XKR9: variants seen among roughly 807,000 people sequenced by gnomAD.
XKR9 encodes the protein XK related 9, also known as XK-related protein 9.
Under a neutral mutation model 32.0 loss-of-function variants are expected in XKR9, and 32 were observed. The ratio of observed to expected loss-of-function variants is 1.00; its 90% CI spans 0.76 to 1.34. The LOEUF (loss-of-function observed/expected upper bound fraction) is 1.34, where lower values mean the gene tolerates loss of function less well. Ranked by LOEUF, XKR9 falls within the 40% of genes most tolerant of loss-of-function variation. XKR9 has a pLI of 0.00. For missense variants in XKR9, 546 were observed against 429.7 expected, an observed-to-expected ratio of 1.27 and a Z score of -2.39; for synonymous variants, 168 against 143.4, an observed-to-expected ratio of 1.17 and a Z score of -1.22.
intron 4 of XKR9, among the ~76,000 whole-genome samples, chr8:70,716,498 T>C (rs571930066): frequency 1.3e-5 from 2 of 152,094 alleles, no homozygotes; most frequent in Admixed American, 6.5e-5. Flanking sequence ...CTTCACATGG[T>C]GACAGGAAGA....
chr8:70,852,258 G>A, the XKR9 span, among the ~76,000 whole-genome samples: 3 of 152,106 alleles, frequency 2.0e-5, no homozygotes, highest in Admixed American at 6.6e-5. Flanking sequence ...ACTTAGAATA[G>A]CGATTATTAA....
At chr8:70,730,014 T>A (rs941104687) in intron 4 of XKR9, among the ~76,000 whole-genome samples, 1 of 152,156 alleles carries the variant, frequency 6.6e-6, no homozygotes, top group Admixed American at 6.5e-5. Context: ...CAAAATAGGA[T>A]CACAGTTTAT....
rs766128266 is a variant in XKR9, at chr8:70,734,296, G to C, written c.994G>C (p.Gly332Arg). 24 of 1,612,116 alleles carry C rather than the reference G, an allele frequency of 1.5e-5. No individual in the cohort carries two copies. Among genetic ancestry groups the C allele is most frequent in the Non-Finnish European group, 2.0e-5 (24 of 1,179,244 alleles). Residue 332 changes from glycine to arginine, a missense_variant, in exon 5 of 5, where the codon GGA (glycine) becomes CGA (arginine). Gly to Arg is a moderately radical substitution (Grantham distance 125). Transcript: ENST00000408926. Reference protein sequence around the residue: ...SITIVLTLLLGILFLIVYYGS... With the variant: ...SITIVLTLLLRILFLIVYYGS... ...AACTATAGTTCTTACTCTTCTTCTT[G>C]GAATTCTTTTTCTTATTGTTTATTA...
the XKR9 span, among the ~76,000 whole-genome samples, chr8:70,954,899 T>C: frequency 1.3e-5 from 2 of 152,218 alleles, no homozygotes; most frequent in Non-Finnish European, 2.9e-5. Flanking sequence ...CTTTCCCTCC[T>C]GAGATGCATA....
At chr8:70,690,230 TATC>T (rs1819462279) in intron 3 of XKR9, among the ~76,000 whole-genome samples, 1 of 152,140 alleles carries the variant, frequency 6.6e-6, no homozygotes, top group Non-Finnish European at 1.5e-5. Context: ...ACCAAATAGT[TATC>T]TTTTCTGTTC....
chr8:70,836,138 G>A, the XKR9 span, among the ~76,000 whole-genome samples: 2 of 151,884 alleles, frequency 1.3e-5, no homozygotes, highest in African/African-American at 4.8e-5. Context: ...CTGAATTGTA[G>A]ACATTAGTAT....
the XKR9 span, among the ~76,000 whole-genome samples, chr8:71,064,471 A>G: frequency 6.6e-6 from 1 of 152,198 alleles, no homozygotes; most frequent in Non-Finnish European, 1.5e-5. Flanking sequence ...TGCTTTTTAT[A>G]TCTGGTAAAA....
At position 70,735,727 on chromosome 8, in the gene XKR9, T is replaced by C. The variant is rs1806845199; in HGVS notation, c.*1303T>C. ...GAATATGCAGTGTTTGGTTTTTTGTTCTTGCGATAGTTTACTGAGAATGAT... is the reference window on the plus strand; with the variant it reads ...GAATATGCAGTGTTTGGTTTTTTGTCCTTGCGATAGTTTACTGAGAATGAT... On this transcript the variant is annotated 3_prime_UTR_variant, in exon 5 of 5. Transcript: ENST00000408926. 1 of 150,852 alleles carries C rather than the reference T, an allele frequency of 6.6e-6. No homozygotes were observed. The allele number at this position is 150,852 out of a possible 1,614,324, so 9.3% of individuals were successfully genotyped here.
chr8:70,752,431 C>T (rs1165552794), intron 2 of XKR9, among the ~76,000 whole-genome samples: 1 of 152,058 alleles, frequency 6.6e-6, no homozygotes, highest in Non-Finnish European at 1.5e-5. Context: ...CATAACATGG[C>T]AGATAAGTGG....
chr8:70,789,822 A>G (rs1296288244), intron 3 of XKR9, among the ~76,000 whole-genome samples: 1 of 152,070 alleles, frequency 6.6e-6, no homozygotes, highest in African/African-American at 2.4e-5. Flanking sequence ...CTGCATTTTG[A>G]TGAGCACCAA....
intron 2 of XKR9, among the ~76,000 whole-genome samples, chr8:70,761,463 C>T (rs1483097457): frequency 6.6e-6 from 1 of 152,112 alleles, no homozygotes; most frequent in Admixed American, 6.5e-5. Flanking sequence ...TGATCAGTGA[C>T]ACTGAGCTTT....
intron 2 of XKR9, among the ~76,000 whole-genome samples, chr8:70,675,631 G>A (rs776802818): frequency 3.3e-4 from 50 of 152,076 alleles, no homozygotes; most frequent in Non-Finnish European, 5.0e-4. Context: ...CTTCTGCCAG[G>A]TACCCTAAAT....
chr8:70,768,005 T>C (rs942779893), intron 2 of XKR9, among the ~76,000 whole-genome samples: 1 of 152,176 alleles, frequency 6.6e-6, no homozygotes, highest in African/African-American at 2.4e-5. Flanking sequence ...AGTTCTTTAA[T>C]TGAAATGTTA....
the XKR9 span, among the ~76,000 whole-genome samples, chr8:70,885,437 A>G: frequency 1.3e-5 from 2 of 152,178 alleles, no homozygotes; most frequent in African/African-American, 4.8e-5. Context: ...TCTGGGATAC[A>G]TGTGCTGAAA....
chr8:70,842,845 C>T, the XKR9 span, among the ~76,000 whole-genome samples: 1 of 152,178 alleles, frequency 6.6e-6, no homozygotes, highest in African/African-American at 2.4e-5. Context: ...TTTGAGGCTC[C>T]TTTTTCTCTC....
chr8:70,673,757 TCCATGTC>T, intron 1 of XKR9, among the ~76,000 whole-genome samples: 1 of 148,406 alleles, frequency 6.7e-6, no homozygotes. Flanking sequence ...AGAGTGAGAC[TCCATGTC>T]AAAAAAAAAA....
chr8:70,675,331 G>T (rs2132100041), intron 2 of XKR9, among the ~76,000 whole-genome samples: 1 of 152,218 alleles, frequency 6.6e-6, no homozygotes, highest in South Asian at 2.1e-4. Context: ...AGAGGCTGAG[G>T]CAGAAGAATC....
At chr8:70,856,281 A>C in the XKR9 span, among the ~76,000 whole-genome samples, 1 of 152,220 alleles carries the variant, frequency 6.6e-6, no homozygotes, top group African/African-American at 2.4e-5. Context: ...GGATGAAGGA[A>C]GATCTACCAA....
At chr8:70,887,324 A>G in the XKR9 span, among the ~76,000 whole-genome samples, 1 of 152,046 alleles carries the variant, frequency 6.6e-6, no homozygotes, top group East Asian at 1.9e-4. Flanking sequence ...TGGTTACTGT[A>G]GTCTTGTAGT....
Sources: allele counts gnomAD v4.1 joint callset (sites outside exome capture counted in the v4.1 genomes callset), GRCh38; gene constraint gnomAD v4.1.1; transcripts MANE v1.5; gene names NCBI Gene and HGNC (gene_info 2026-07-23, HGNC 2026-07-21).